ADAMTS9: variants seen among roughly 807,000 people sequenced by gnomAD.
ADAMTS9 encodes the protein ADAM metallopeptidase with thrombospondin type 1 motif 9, also known as A disintegrin and metalloproteinase with thrombospondin motifs 9.
In ADAMTS9, 107 loss-of-function variants were observed where a neutral mutation model predicts 257.1. That is an observed-to-expected ratio of 0.42 (90% CI 0.36 to 0.49). The LOEUF (loss-of-function observed/expected upper bound fraction) is 0.49, where lower values mean the gene tolerates loss of function less well. Ranked by LOEUF, ADAMTS9 falls within the 20% of genes least tolerant of loss-of-function variation. The pLI is 0.03. For missense variants in ADAMTS9, 2,353 were observed against 2,469.1 expected, an observed-to-expected ratio of 0.95 and a Z score of 1.00; for synonymous variants, 982 against 880.9, an observed-to-expected ratio of 1.11 and a Z score of -2.03.
At position 64,649,666 on chromosome 3, in the gene ADAMTS9, C is replaced by T. The variant is rs1349674873; in HGVS notation, c.1576G>A (p.Gly526Arg). ...TATGGGCACACCTGAGAACCTGGTC[C>T]AAAAATCAATTCACATTGTTTATTC... Reference protein sequence around the residue: ...NVNKQCELIFGPGSQVCPYMM... With the variant: ...NVNKQCELIFRPGSQVCPYMM... Residue 526 changes from glycine to arginine, a missense_variant, in exon 10 of 40, where the codon GGA becomes AGA. Transcript: ENST00000498707. The T allele has an allele frequency of 1.2e-6, 2 of 1,613,624 alleles. No homozygotes were observed. Among genetic ancestry groups the T allele is most frequent in the African/African-American group, 2.7e-5 (2 of 74,892 alleles).
chr3:64,672,704 T>C (rs1046453445), intron 3 of ADAMTS9, among the ~76,000 whole-genome samples: 1 of 152,090 alleles, frequency 6.6e-6, no homozygotes. Context: ...ACAAAGGTTT[T>C]GGGGAATACG....
chr3:64,633,851 C>G lies in ADAMTS9; in HGVS notation c.1885G>C (p.Gly629Arg). ...CAGGACTTAAATTTCATTCTACGTC[C>G]TACACAGTATTTTCCACCATTTTTT... The part of the protein sequence containing the change: ...EPKNGGKYCV[G>R]RRMKFKSCNT... Residue 629 changes from glycine (G) to arginine (R), a missense_variant, in exon 13 of 40, where the codon GGA becomes CGA. Transcript: ENST00000498707. The G allele has an allele frequency of 6.2e-7, 1 of 1,613,116 alleles. No homozygotes were observed. The highest frequency in any genetic ancestry group is 8.5e-7 in the Non-Finnish European group (1 of 1,179,814).
chr3:64,684,589 T>C (rs1701846353), intron 2 of ADAMTS9, among the ~76,000 whole-genome samples: 1 of 152,100 alleles, frequency 6.6e-6, no homozygotes, highest in South Asian at 2.1e-4. Context: ...TGGCTGAAGA[T>C]ACGAAGAACC....
intron 3 of ADAMTS9, among the ~76,000 whole-genome samples, chr3:64,679,314 C>A (rs917611250): frequency 6.6e-6 from 1 of 152,108 alleles, no homozygotes; most frequent in Non-Finnish European, 1.5e-5. Context: ...GACTCCTGCA[C>A]AGAGAAAATG....
At chr3:64,598,319 ATT>A (rs34859673) in intron 26 of ADAMTS9, among the ~76,000 whole-genome samples, 319 of 136,246 alleles carry the variant, frequency 2.3e-3, no homozygotes, top group African/African-American at 6.2e-3. Flanking sequence ...TTCATTTCCT[ATT>A]TTTTTTTTTT....
chr3:64,633,544 A>G lies in ADAMTS9; in HGVS notation c.2103T>C (p.Leu701=), dbSNP rs1440896546. The change falls in exon 14 of 40, where the codon CTT becomes CTC. Residue 701 remains leucine (L), a synonymous_variant. Coordinates refer to ENST00000498707, the MANE Select transcript of ADAMTS9 (RefSeq NM_182920.2). ...RVAGNTAYYQ[L]RDRVIDGTPC... ...GAGTTCCATCTATCACTCTGTCTCGAAGCTGATAGTAGGCTGTGTTCCCTG... is the reference window on the plus strand; with the variant it reads ...GAGTTCCATCTATCACTCTGTCTCGGAGCTGATAGTAGGCTGTGTTCCCTG... 2 of 1,614,078 alleles carry G rather than the reference A, an allele frequency of 1.2e-6. No homozygotes were observed. Among genetic ancestry groups the G allele is most frequent in the South Asian group, 1.1e-5 (1 of 91,088 alleles).
At chr3:64,553,402 A>G (rs754430484) in intron 30 of ADAMTS9, among the ~76,000 whole-genome samples, 10 of 152,228 alleles carry the variant, frequency 6.6e-5, no homozygotes, top group African/African-American at 9.6e-5. Context: ...TTAAGGCTGA[A>G]TAAGATTCTG....
chr3:64,569,252 G>C (rs1480404053), intron 28 of ADAMTS9, among the ~76,000 whole-genome samples: 1 of 152,174 alleles, frequency 6.6e-6, no homozygotes, highest in Non-Finnish European at 1.5e-5. Context: ...ACAAAAATTT[G>C]ATATGACAGC....
At chr3:64,601,382 A>G (rs949792362) in intron 26 of ADAMTS9, among the ~76,000 whole-genome samples, 3 of 152,196 alleles carry the variant, frequency 2.0e-5, no homozygotes, top group Non-Finnish European at 4.4e-5. Flanking sequence ...TCATTGGATC[A>G]AACCTACGCA....
chr3:64,543,768 G>A (rs2083159905), intron 32 of ADAMTS9, among the ~76,000 whole-genome samples: 2 of 152,066 alleles, frequency 1.3e-5, no homozygotes, highest in South Asian at 4.2e-4. Context: ...TTCTGGCCAG[G>A]GCAATCAGGC....
intron 38 of ADAMTS9, among the ~76,000 whole-genome samples, chr3:64,531,746 C>T (rs565950788): frequency 3.9e-5 from 6 of 152,300 alleles, no homozygotes; most frequent in African/African-American, 1.2e-4. Flanking sequence ...AACTGGGTGT[C>T]CTGTATTTTA....
intron 38 of ADAMTS9, among the ~76,000 whole-genome samples, chr3:64,523,828 A>G (rs1474464910): frequency 1.3e-5 from 2 of 152,118 alleles, no homozygotes; most frequent in African/African-American, 2.4e-5. Context: ...AGTGGGGTAA[A>G]GTTTTATTTT....
intron 3 of ADAMTS9, among the ~76,000 whole-genome samples, chr3:64,665,911 T>G (rs1701344732): frequency 6.6e-6 from 1 of 152,200 alleles, no homozygotes; most frequent in East Asian, 1.9e-4. Context: ...AGAAAGCATA[T>G]AGAGAATTTC....
chr3:64,657,387 T>C (rs1251308311), intron 4 of ADAMTS9, among the ~76,000 whole-genome samples: 1 of 152,196 alleles, frequency 6.6e-6, no homozygotes, highest in Non-Finnish European at 1.5e-5. Context: ...CCAAGGCTGA[T>C]GCACAGTGGC....
intron 19 of ADAMTS9, among the ~76,000 whole-genome samples, chr3:64,619,874 GGTTA>G (rs1559795269): frequency 6.6e-6 from 1 of 152,010 alleles, no homozygotes; most frequent in Non-Finnish European, 1.5e-5. Flanking sequence ...TCAGTTTAGC[GGTTA>G]GTTAACTAAT....
chr3:64,598,930 C>T (rs1367034096), intron 26 of ADAMTS9, among the ~76,000 whole-genome samples: 1 of 152,124 alleles, frequency 6.6e-6, no homozygotes, highest in African/African-American at 2.4e-5. Context: ...GGATTTGCTA[C>T]CTGGTCCAGT....
chr3:64,533,794 G>C (rs2083012884), intron 37 of ADAMTS9, among the ~76,000 whole-genome samples: 1 of 152,196 alleles, frequency 6.6e-6, no homozygotes, highest in African/African-American at 2.4e-5. Context: ...CCCCAGGACG[G>C]TCAGCAGAGG....
intron 27 of ADAMTS9, 121 bp downstream of exon 27, chr3:64,596,709 A>C: frequency 8.3e-7 from 1 of 1,211,768 alleles, no homozygotes; most frequent in Non-Finnish European, 1.2e-6. Context: ...TTCCTAGTTA[A>C]TCCCCACCCC....
chr3:64,549,897 C>T (rs536284156), intron 31 of ADAMTS9, among the ~76,000 whole-genome samples: 2 of 152,314 alleles, frequency 1.3e-5, no homozygotes, highest in African/African-American at 4.8e-5. Context: ...CAATTCAACA[C>T]CCAACACACA....
Sources: gnomAD v4.1 joint callset for allele counts (sites outside exome capture counted in the v4.1 genomes callset) on GRCh38, gnomAD v4.1.1 for gene constraint, MANE v1.5 for transcripts, NCBI Gene and HGNC (gene_info 2026-07-23, HGNC 2026-07-21) for gene names.